GABRB2: variants seen among roughly 807,000 people sequenced by gnomAD.
GABRB2 encodes the protein gamma-aminobutyric acid type A receptor subunit beta2, also known as gamma-aminobutyric acid receptor subunit beta-2.
Under a neutral mutation model 54.7 loss-of-function variants are expected in GABRB2, and 16 were observed. The observed-to-expected ratio is 0.29, with a 90% CI of 0.20 to 0.44. GABRB2 has a LOEUF of 0.44. GABRB2 is among the 20% of genes least tolerant of loss of function. GABRB2 has a pLI of 1.00. For missense variants in GABRB2, 355 were observed against 644.0 expected, an observed-to-expected ratio of 0.55 and a Z score of 4.86; for synonymous variants, 244 against 233.8, an observed-to-expected ratio of 1.04 and a Z score of -0.40.
chr5:161,463,307 TACACACACACCAC>T (rs1758169029), intron 3 of GABRB2, among the ~76,000 whole-genome samples: 2 of 124,708 alleles, frequency 1.6e-5, no homozygotes, highest in African/African-American at 7.2e-5. Flanking sequence ...AGCATGCATG[TACACACACACCAC>T]ACACACACAC....
At chr5:161,501,704 A>G (rs1278873935) in intron 3 of GABRB2, among the ~76,000 whole-genome samples, 4 of 152,012 alleles carry the variant, frequency 2.6e-5, no homozygotes. Flanking sequence ...GCATTTAAAT[A>G]TAGGTTTTCT....
At chr5:161,306,452 T>C (rs549574813) in intron 9 of GABRB2, among the ~76,000 whole-genome samples, 30 of 152,342 alleles carry the variant, frequency 2.0e-4, no homozygotes, top group African/African-American at 6.3e-4. Context: ...CTACCTCCTC[T>C]TGTTTTTTAT....
In GABRB2 at chr5:161,322,543, G is replaced by A. The variant is rs150917244; in HGVS notation, c.1191+3825C>T. 2.5e-4 allele frequency among the ~76,000 whole-genome samples: 38 copies of A among 152,272 alleles called. No homozygotes were observed. In the East Asian group the frequency reaches 6.2e-3, roughly 25 times the overall value. ...GAATCACTGTGCCCGGAGAAGAAGT[G>A]TTTATTATTATCAGCATTTTTATAA... On this transcript the variant is annotated intron_variant, in intron 9 of 9. Transcript: ENST00000393959.
chr5:161,300,840 G>A (rs1334115164), intron 9 of GABRB2, among the ~76,000 whole-genome samples: 1 of 152,150 alleles, frequency 6.6e-6, no homozygotes, highest in East Asian at 1.9e-4. Context: ...AGGAGTAGCA[G>A]AGGCCAGAGA....
At chr5:161,410,931 C>G (rs1296613629) in intron 5 of GABRB2, 44 bp downstream of exon 5, 2 of 1,479,788 alleles carry the variant, frequency 1.4e-6, no homozygotes, top group Non-Finnish European at 9.4e-7. Context: ...GCGTAAGAAC[C>G]TTAAAGCAGA....
intron 4 of GABRB2, among the ~76,000 whole-genome samples, chr5:161,439,766 T>A (rs1480074823): frequency 6.6e-6 from 1 of 151,812 alleles, no homozygotes; most frequent in South Asian, 2.1e-4. Flanking sequence ...ATGGGTTATA[T>A]GATGAGAATA....
rs570298872 is a variant in GABRB2, at chr5:161,494,372, G to A, written c.238-34528C>T. Among the ~76,000 whole-genome samples, 3 of 151,938 alleles carry A rather than the reference G, an allele frequency of 2.0e-5. No individual in the cohort carries two copies. The East Asian group carries it at 5.8e-4, about 29-fold the overall frequency. ...GCTTACTGGATTACGTAATAGATGA[G>A]AAGAGACCATGAGAGTTGACTTTAT... On this transcript the variant is annotated intron_variant, in intron 3 of 9. Coordinates refer to ENST00000393959, the MANE Select transcript of GABRB2 (RefSeq NM_001371727.1).
In GABRB2 at chr5:161,497,469, A is replaced by G. The variant is rs558249844; in HGVS notation, c.238-37625T>C. ...CAGGAGAGTATAATCATGAGATCCC[A>G]TGGGGACTCAAGTTTTAAATGCATT... On this transcript the variant is annotated intron_variant, in intron 3 of 9. Transcript: ENST00000393959. Among the ~76,000 whole-genome samples, 20 of 152,024 alleles carry G rather than the reference A, an allele frequency of 1.3e-4. No homozygotes were observed. The South Asian group carries it at 4.2e-3, about 32-fold the overall frequency.
At chr5:161,310,953 G>T (rs1196600224) in intron 9 of GABRB2, among the ~76,000 whole-genome samples, 3 of 151,918 alleles carry the variant, frequency 2.0e-5, no homozygotes, top group Non-Finnish European at 4.4e-5. Context: ...GTAGAGACGG[G>T]GTTTCACCGT....
intron 4 of GABRB2, among the ~76,000 whole-genome samples, chr5:161,422,634 G>T (rs1438012864): frequency 2.0e-5 from 3 of 152,032 alleles, no homozygotes; most frequent in African/African-American, 7.2e-5. Context: ...CTGTTTCTAT[G>T]GTGAATATGC....
chr5:161,499,068 G>T (rs972324605), intron 3 of GABRB2, among the ~76,000 whole-genome samples: 2 of 152,034 alleles, frequency 1.3e-5, no homozygotes, highest in Admixed American at 1.3e-4. Context: ...AATAGTGTGG[G>T]CTTCCAGAGC....
intron 3 of GABRB2, among the ~76,000 whole-genome samples, chr5:161,527,683 C>T (rs1158099535): frequency 6.6e-6 from 1 of 151,454 alleles, no homozygotes; most frequent in Non-Finnish European, 1.5e-5. Context: ...AAAGGCAACT[C>T]AGGGAGAAGA....
chr5:161,425,208 C>A (rs1318079039), intron 4 of GABRB2, among the ~76,000 whole-genome samples: 1 of 152,064 alleles, frequency 6.6e-6, no homozygotes. Flanking sequence ...TTTGATAAAA[C>A]AGCAGCATGG....
chr5:161,363,631 G>A (rs1342659713), intron 5 of GABRB2, among the ~76,000 whole-genome samples: 1 of 152,166 alleles, frequency 6.6e-6, no homozygotes, highest in Admixed American at 6.5e-5. Flanking sequence ...GAGCCCAGGA[G>A]TTCTAGGCTT....
At chr5:161,525,570 T>C (rs968718432) in intron 3 of GABRB2, among the ~76,000 whole-genome samples, 15 of 151,358 alleles carry the variant, frequency 9.9e-5, no homozygotes, top group African/African-American at 2.7e-4. Flanking sequence ...TAGTGCATTA[T>C]ATACTTTAAT....
upstream of GABRB2, chr5:161,546,782 AC>A: frequency 6.8e-7 from 1 of 1,462,980 alleles, no homozygotes; most frequent in Non-Finnish European, 9.0e-7. Flanking sequence ...GCTGCCGGGG[AC>A]CGAGCAGATT....
At chr5:161,502,814 TG>T in intron 3 of GABRB2, among the ~76,000 whole-genome samples, 1 of 152,320 alleles carries the variant, frequency 6.6e-6, no homozygotes, top group South Asian at 2.1e-4. Flanking sequence ...GGTAGGATAC[TG>T]GAGAGGAGGG....
chr5:161,468,302 C>G (rs1455639837), intron 3 of GABRB2, among the ~76,000 whole-genome samples: 1 of 152,030 alleles, frequency 6.6e-6, no homozygotes, highest in Non-Finnish European at 1.5e-5. Context: ...TGCCTACCTC[C>G]TTGATCTCAC....
At chr5:161,340,674 G>GA (rs907344101) in intron 5 of GABRB2, among the ~76,000 whole-genome samples, 3 of 144,244 alleles carry the variant, frequency 2.1e-5, no homozygotes, top group African/African-American at 2.5e-5. Flanking sequence ...CTGTCAGGCA[G>GA]AAAAAAAAAA....
Sources: allele counts gnomAD v4.1 joint callset (sites outside exome capture counted in the v4.1 genomes callset), GRCh38; gene constraint gnomAD v4.1.1; transcripts MANE v1.5; gene names NCBI Gene and HGNC (gene_info 2026-07-23, HGNC 2026-07-21).